The following EPB41L5 variants were observed in gnomAD, a reference collection of about 807,000 sequenced individuals.
EPB41L5 encodes the protein erythrocyte membrane protein band 4.1 like 5.
A neutral mutation model predicts 106.6 loss-of-function variants in EPB41L5; 55 were observed. The ratio of observed to expected loss-of-function variants is 0.52; its 90% CI spans 0.42 to 0.65. The LOEUF (loss-of-function observed/expected upper bound fraction) is 0.65. Ranked by LOEUF, EPB41L5 falls within the 30% of genes least tolerant of loss-of-function variation. The pLI is 0.00. For synonymous variants in EPB41L5, 297 were observed against 306.7 expected, an observed-to-expected ratio of 0.97 and a Z score of 0.33; for missense variants, 871 against 882.1, an observed-to-expected ratio of 0.99 and a Z score of 0.16.
chr2:120,081,375 C>A (rs1035102641), intron 10 of EPB41L5, among the ~76,000 whole-genome samples: 4 of 152,166 alleles, frequency 2.6e-5, no homozygotes, highest in African/African-American at 9.7e-5. Flanking sequence ...AATCCTTTCC[C>A]CATTTCTTGT....
At chr2:120,161,688 C>T (rs1191007127) in intron 21 of EPB41L5, among the ~76,000 whole-genome samples, 1 of 152,120 alleles carries the variant, frequency 6.6e-6, no homozygotes, top group Non-Finnish European at 1.5e-5. Flanking sequence ...TGGTCCATGG[C>T]CTGTTAGGAA....
At chr2:120,120,413 C>G (rs1393276206) in intron 16 of EPB41L5, among the ~76,000 whole-genome samples, 1 of 116,532 alleles carries the variant, frequency 8.6e-6, no homozygotes, top group Non-Finnish European at 1.6e-5. Flanking sequence ...GCCTGGGTGA[C>G]AGAGCGACAC....
At chr2:120,022,418 G>A (rs1478440595) in intron 2 of EPB41L5, among the ~76,000 whole-genome samples, 2 of 151,750 alleles carry the variant, frequency 1.3e-5, no homozygotes, top group Admixed American at 1.3e-4. Flanking sequence ...CCACTTATGA[G>A]TGAGAACATG....
chr2:120,145,100 G>C (rs1188541013), intron 19 of EPB41L5, among the ~76,000 whole-genome samples: 1 of 152,218 alleles, frequency 6.6e-6, no homozygotes, highest in African/African-American at 2.4e-5. Flanking sequence ...CCCTGTGCTG[G>C]TGATGATAGA....
At chr2:120,091,465 T>C (rs1025904400) in intron 12 of EPB41L5, 90 bp from the exon 13 acceptor site, 44 of 839,558 alleles carry the variant, frequency 5.2e-5, no homozygotes, top group Non-Finnish European at 6.9e-5. Flanking sequence ...ATGATTCTTT[T>C]AAGGAGAACC....
At chr2:120,143,271 A>C (rs1372990198) in intron 19 of EPB41L5, 140 bp downstream of exon 19, 5 of 1,028,510 alleles carry the variant, frequency 4.9e-6, no homozygotes, top group Non-Finnish European at 6.8e-6. Flanking sequence ...AAAGATGCTC[A>C]GGGGGATACG....
At chr2:120,049,555 G>A (rs545500867) in intron 3 of EPB41L5, among the ~76,000 whole-genome samples, 12 of 151,934 alleles carry the variant, frequency 7.9e-5, no homozygotes, top group Non-Finnish European at 1.2e-4. Flanking sequence ...GCCTATGGAC[G>A]TGTCTCTGCA....
At chr2:120,156,646 T>G (rs1686913826) in intron 20 of EPB41L5, among the ~76,000 whole-genome samples, 1 of 152,024 alleles carries the variant, frequency 6.6e-6, no homozygotes, top group African/African-American at 2.4e-5. Context: ...TTCTCCCCCA[T>G]CACGAGCAAC....
intron 16 of EPB41L5, among the ~76,000 whole-genome samples, chr2:120,110,478 C>T (rs1684672699): frequency 6.6e-6 from 1 of 152,178 alleles, no homozygotes; most frequent in Non-Finnish European, 1.5e-5. Context: ...TAAATTTCCA[C>T]ACTTACATAT....
intron 14 of EPB41L5, 55 bp from the exon 15 acceptor site, chr2:120,100,188 AT>A: frequency 7.3e-7 from 1 of 1,371,020 alleles, no homozygotes; most frequent in Non-Finnish European, 1.0e-6. Context: ...ATCTTACAAA[AT>A]GAAGTCCTGA....
At position 120,074,203 on chromosome 2, in the gene EPB41L5, C is replaced by T; in HGVS notation, c.407+25C>T. The T allele has an allele frequency of 2.6e-6, 4 of 1,549,414 alleles. No individual in the cohort carries two copies. The South Asian group carries it at 3.5e-5, about 14-fold the overall frequency. ...GGTAAGAACACCATCTAGAATTGTGCCAGGGTTATTTTGATAGTTTTGAAA... is the reference window on the plus strand; with the variant it reads ...GGTAAGAACACCATCTAGAATTGTGTCAGGGTTATTTTGATAGTTTTGAAA... On this transcript the variant is annotated intron_variant, in intron 5 of 24. Coordinates refer to ENST00000263713, the MANE Select transcript of EPB41L5 (RefSeq NM_020909.4).
chr2:120,135,538 G>A (rs1172748739), intron 18 of EPB41L5, among the ~76,000 whole-genome samples: 2 of 152,076 alleles, frequency 1.3e-5, no homozygotes, highest in African/African-American at 4.8e-5. Context: ...CCTAAAAACA[G>A]CAAGATAAAA....
intron 3 of EPB41L5, among the ~76,000 whole-genome samples, chr2:120,044,697 A>G (rs1679646808): frequency 1.3e-5 from 2 of 152,118 alleles, no homozygotes; most frequent in South Asian, 2.1e-4. Context: ...TTTTTCTCTC[A>G]TTTGATACAC....
At chr2:120,058,137 A>G (rs1680785645) in intron 3 of EPB41L5, among the ~76,000 whole-genome samples, 1 of 152,154 alleles carries the variant, frequency 6.6e-6, no homozygotes, top group Non-Finnish European at 1.5e-5. Flanking sequence ...TTAAAAAAAA[A>G]TCTTGCTACA....
intron 20 of EPB41L5, among the ~76,000 whole-genome samples, chr2:120,158,745 C>G (rs1319962288): frequency 6.6e-6 from 1 of 152,156 alleles, no homozygotes; most frequent in Non-Finnish European, 1.5e-5. Context: ...CCAGAGCAAT[C>G]AGGCTGGAGA....
chr2:120,165,603 C>T (rs1687361767), intron 22 of EPB41L5, among the ~76,000 whole-genome samples: 1 of 152,158 alleles, frequency 6.6e-6, no homozygotes, highest in Admixed American at 6.5e-5. Context: ...GTTGAATCCA[C>T]AGATGCACAA....
chr2:120,027,771 C>T (rs1469769860), intron 2 of EPB41L5, among the ~76,000 whole-genome samples: 1 of 152,132 alleles, frequency 6.6e-6, no homozygotes, highest in African/African-American at 2.4e-5. Flanking sequence ...TTGCATATAT[C>T]TGTGAATATA....
At chr2:120,055,480 A>C (rs1198611437) in intron 3 of EPB41L5, among the ~76,000 whole-genome samples, 1 of 126,372 alleles carries the variant, frequency 7.9e-6, no homozygotes, top group Non-Finnish European at 1.6e-5. Context: ...TTAGGTTTTT[A>C]ATTTTTTTTT....
rs774756487 is a variant in EPB41L5, at chr2:120,131,630, C to T, written c.1514C>T (p.Thr505Ile). Residue 505 changes from threonine (T) to isoleucine (I), a missense_variant, in exon 18 of 25, where the codon ACC becomes ATC. By Grantham distance (89) the Thr-to-Ile change is moderately conservative (BLOSUM62 -1). Transcript: ENST00000263713. ...TTTTTCTTTTCAGCATTAAAAGACA[C>T]CTCAGAGAAGCTCAAACAGCTTGAG... ...PEVEYETLKD[T>I]SEKLKQLEME... The T allele has an allele frequency of 1.2e-6, 2 of 1,612,956 alleles. No individual in the cohort carries two copies. Among genetic ancestry groups the T allele is most frequent in the Non-Finnish European group, 1.7e-6 (2 of 1,179,410 alleles).
Sources: allele counts gnomAD v4.1 joint callset (sites outside exome capture counted in the v4.1 genomes callset), GRCh38; gene constraint gnomAD v4.1.1; transcripts MANE v1.5; gene names NCBI Gene and HGNC (gene_info 2026-07-23, HGNC 2026-07-21).